GFM1: variants seen among roughly 807,000 people sequenced by gnomAD.
GFM1 encodes elongation factor G, mitochondrial.
In GFM1, 62 loss-of-function variants were observed where a neutral mutation model predicts 96.2. The observed-to-expected ratio is 0.64, with a 90% confidence interval of 0.53 to 0.80. The LOEUF (loss-of-function observed/expected upper bound fraction) is 0.80. Ranked by LOEUF, GFM1 falls within the 30% of genes least tolerant of loss-of-function variation. The pLI, the probability that GFM1 is intolerant of heterozygous loss-of-function variation, is 0.00. For synonymous variants in GFM1, 282 were observed against 312.9 expected, an observed-to-expected ratio of 0.90 and a Z score of 1.04; for missense variants, 852 against 916.6, an observed-to-expected ratio of 0.93 and a Z score of 0.91.
chr3:158,691,441 G>T lies in GFM1; in HGVS notation c.2230G>T (p.Val744Phe). 6.2e-7 allele frequency: 1 copy of T among 1,613,766 alleles called. No homozygotes were observed. The change falls in exon 18 of 18, where the codon GTT becomes TTT. Residue 744 changes from valine (V) to phenylalanine (F), a missense_variant. Transcript: ENST00000486715. ...TTTGGAAGCTACAGGTCAACTTCCT[G>T]TTAAAAAAGGAAAAGCCAAGAACTA... Reference protein sequence around the residue: ...KYLEATGQLPVKKGKAKN With the variant: ...KYLEATGQLPFKKGKAKN
chr3:158,661,055 G>GA (rs2108040821), intron 10 of GFM1, 80 bp downstream of exon 10: 1 of 1,146,134 alleles, frequency 8.7e-7, no homozygotes, highest in African/African-American at 1.5e-5. Context: ...TAATACTTCA[G>GA]AAAAACAACC....
chr3:158,672,804 A>G, intron 13 of GFM1: 1 of 283,736 alleles, frequency 3.5e-6, no homozygotes, highest in Non-Finnish European at 7.0e-6. Context: ...AGGTGTGGGG[A>G]GGGAGTCAGT....
Position 158,690,256 on chromosome 3 carries a change from T to A in GFM1, c.2003T>A (p.Ile668Asn). Residue 668 changes from isoleucine (I) to asparagine (N), a missense_variant, in exon 16 of 18, where the codon ATT (isoleucine) becomes AAT (asparagine). By Grantham distance (149) the Ile-to-Asn change is moderately radical (BLOSUM62 -3). Coordinates refer to ENST00000486715, the MANE Select transcript of GFM1 (RefSeq NM_024996.7). ...NEFQGQVIAG[I>N]NRRHGVITGQ... Reference sequence around the variant, plus strand: ...TTTCAGGGACAAGTAATTGCAGGAATTAACCGACGCCATGGGGTAATCACT... The same window carrying A: ...TTTCAGGGACAAGTAATTGCAGGAAATAACCGACGCCATGGGGTAATCACT... 1 of 1,613,992 alleles carries A rather than the reference T, an allele frequency of 6.2e-7. No homozygotes were observed. The highest frequency in any genetic ancestry group is 8.5e-7 in the Non-Finnish European group (1 of 1,179,908).
At chr3:158,663,136 G>C (rs557049370) in intron 11 of GFM1, among the ~76,000 whole-genome samples, 1 of 152,268 alleles carries the variant, frequency 6.6e-6, no homozygotes, top group East Asian at 1.9e-4. Context: ...TGCATGGAAA[G>C]CCTGTAAATA....
chr3:158,690,076 G>C, intron 15 of GFM1, 87 bp from the exon 16 acceptor site: 1 of 1,168,642 alleles, frequency 8.6e-7, no homozygotes, highest in Non-Finnish European at 1.3e-6. Flanking sequence ...CTTTGGGAAA[G>C]CATCATTTTT....
intron 13 of GFM1, among the ~76,000 whole-genome samples, chr3:158,680,275 AG>A (rs11348678): frequency 0.016 from 2,457 of 152,286 alleles, 54 homozygotes; most frequent in African/African-American, 0.057. Flanking sequence ...TGTACCCAAT[AG>A]GTGAGTTCTC....
At chr3:158,676,039 G>A (rs1441049975) in intron 13 of GFM1, among the ~76,000 whole-genome samples, 1 of 152,220 alleles carries the variant, frequency 6.6e-6, no homozygotes, top group Non-Finnish European at 1.5e-5. Context: ...TTGTGAGGCT[G>A]AGGTGGGAAG....
intron 3 of GFM1, 46 bp downstream of exon 3, chr3:158,646,343 C>T (rs1721802740): frequency 6.2e-7 from 1 of 1,605,990 alleles, no homozygotes; most frequent in Admixed American, 1.7e-5. Context: ...GGCAAAAGCA[C>T]ATTTGGTTCT....
chr3:158,647,661 A>C (rs893161383), intron 4 of GFM1, among the ~76,000 whole-genome samples: 1 of 152,178 alleles, frequency 6.6e-6, no homozygotes, highest in African/African-American at 2.4e-5. Context: ...GAAGTGATAT[A>C]TTTGATATGA....
intron 13 of GFM1, chr3:158,669,592 T>A: frequency 6.2e-7 from 1 of 1,613,858 alleles, no homozygotes; most frequent in Non-Finnish European, 8.5e-7. Context: ...ACTTCAGCTG[T>A]GCAGTTCACC....
At chr3:158,664,757 G>A (rs774234069) in intron 11 of GFM1, among the ~76,000 whole-genome samples, 9 of 152,136 alleles carry the variant, frequency 5.9e-5, no homozygotes, top group African/African-American at 9.7e-5. Context: ...GTAAGGCAGC[G>A]TATTGTCAGA....
chr3:158,662,751 C>T (rs1408763243), intron 11 of GFM1, 67 bp downstream of exon 11: 15 of 906,938 alleles, frequency 1.7e-5, no homozygotes, highest in Non-Finnish European at 2.8e-5. Context: ...TCTATCTCTA[C>T]AATGCACTTG....
In GFM1 at chr3:158,649,156, G is replaced by A. The variant is rs774456344; in HGVS notation, c.688G>A (p.Gly230Ser). The change falls in exon 5 of 18, where the codon GGT becomes AGT. Residue 230 changes from glycine (G) to serine (S), a missense_variant and splice_region_variant. Transcript: ENST00000486715. ...ERAIYFDGDF[G>S]QIVRYGEIPA... ...AGCCATCTATTTTGATGGAGACTTTGGGTAAGTGCTAAAAATACATTATTA... is the reference window on the plus strand; with the variant it reads ...AGCCATCTATTTTGATGGAGACTTTAGGTAAGTGCTAAAAATACATTATTA... 2.6e-6 allele frequency: 3 copies of A among 1,157,964 alleles called. No homozygotes were observed. The East Asian group carries it at 7.0e-5, about 27-fold the overall frequency. 71.7% of individuals were successfully genotyped at this position (1,157,964 alleles called of 1,614,324 possible).
At chr3:158,650,845 A>AC (rs1392062207) in intron 5 of GFM1, 1 of 151,946 alleles carries the variant, frequency 6.6e-6, no homozygotes, top group Non-Finnish European at 1.5e-5. Flanking sequence ...ACACGGTGAA[A>AC]CCCGTCTCCA....
chr3:158,647,740 AT>A (rs1035528473), intron 4 of GFM1, among the ~76,000 whole-genome samples: 90 of 152,114 alleles, frequency 5.9e-4, no homozygotes, highest in African/African-American at 2.1e-3. Context: ...TTTTATCCTT[AT>A]TTTACTTATG....
In GFM1 at chr3:158,654,639, G is replaced by T. The variant is rs753905803; in HGVS notation, c.1083+8G>T. The T allele has an allele frequency of 9.6e-6, 15 of 1,557,980 alleles. No homozygotes were observed. The East Asian group carries it at 3.4e-4, about 35-fold the overall frequency. On this transcript the variant is annotated splice_region_variant and intron_variant, in intron 8 of 17. Coordinates refer to ENST00000486715, the MANE Select transcript of GFM1 (RefSeq NM_024996.7). ...CTGGCTTTTAAACTGGAGGTAAGTT[G>T]CTTTCTAATGTATTTAACTGCTATC...
intron 13 of GFM1, among the ~76,000 whole-genome samples, chr3:158,678,169 C>T (rs541443823): frequency 1.3e-5 from 2 of 152,136 alleles, no homozygotes; most frequent in Non-Finnish European, 2.9e-5. Flanking sequence ...ATTAACCTGT[C>T]ACACAAGAGC....
chr3:158,660,248 CTT>C (rs111424383), intron 9 of GFM1: 15 of 135,384 alleles, frequency 1.1e-4, no homozygotes, highest in South Asian at 2.4e-4. Context: ...TAGTACATGC[CTT>C]TTTTTTTTTT....
intron 5 of GFM1, chr3:158,650,196 A>T: frequency 1.3e-6 from 1 of 760,732 alleles, no homozygotes; most frequent in Non-Finnish European, 2.2e-6. Flanking sequence ...GAGTAATGAC[A>T]ACAAAGTTTA....
Sources: allele counts gnomAD v4.1 joint callset (sites outside exome capture counted in the v4.1 genomes callset), GRCh38; gene constraint gnomAD v4.1.1; transcripts MANE v1.5; gene names NCBI Gene and HGNC (gene_info 2026-07-23, HGNC 2026-07-21).